The following SLC6A20 variants were observed in gnomAD, a reference collection of about 807,000 sequenced individuals.
The protein encoded by SLC6A20 is solute carrier family 6 member 20.
A neutral mutation model predicts 64.3 loss-of-function variants in SLC6A20; 73 were observed. The observed-to-expected ratio is 1.14, with a 90% CI of 0.94 to 1.38. The LOEUF is 1.38. SLC6A20 is among the 40% of genes most tolerant of loss of function. SLC6A20 has a pLI of 0.00. For missense variants in SLC6A20, 725 were observed against 772.8 expected, an observed-to-expected ratio of 0.94 and a Z score of 0.73; for synonymous variants, 347 against 329.6, an observed-to-expected ratio of 1.05 and a Z score of -0.57.
chr3:45,768,627 A>G (rs1197255562), intron 7 of SLC6A20, among the ~76,000 whole-genome samples: 1 of 152,210 alleles, frequency 6.6e-6, no homozygotes, highest in Non-Finnish European at 1.5e-5. Context: ...CTGAACAACC[A>G]GGAGAAAAAA....
chr3:45,770,152 A>T, intron 7 of SLC6A20, 57 bp downstream of exon 7: 1 of 1,600,752 alleles, frequency 6.2e-7, no homozygotes, highest in South Asian at 1.1e-5. Flanking sequence ...CAGCTCACCA[A>T]GGTTCCCATG....
In SLC6A20 at chr3:45,796,451, C is replaced by G; in HGVS notation, c.-32G>C. Reference sequence around the variant, plus strand: ...GGCCTCGGCGCGCTCGGCTCCGGCTCGGGGGTCCGGCACGGCAGTCTCAGT... The same window carrying G: ...GGCCTCGGCGCGCTCGGCTCCGGCTGGGGGGTCCGGCACGGCAGTCTCAGT... On this transcript the variant is annotated 5_prime_UTR_variant, in exon 1 of 11. Coordinates refer to ENST00000358525, the MANE Select transcript of SLC6A20 (RefSeq NM_020208.4). The G allele has an allele frequency of 1.9e-6, 3 of 1,599,150 alleles. No homozygotes were observed. Among genetic ancestry groups the G allele is most frequent in the Non-Finnish European group, 1.7e-6 (2 of 1,173,206 alleles).
chr3:45,792,964 A>G (rs952520509), intron 1 of SLC6A20, among the ~76,000 whole-genome samples: 2 of 152,172 alleles, frequency 1.3e-5, no homozygotes, highest in Non-Finnish European at 2.9e-5. Flanking sequence ...AGCTTTCTAG[A>G]AATGAAGAAT....
intron 9 of SLC6A20, among the ~76,000 whole-genome samples, chr3:45,761,339 T>C (rs965442329): frequency 2.0e-5 from 3 of 149,754 alleles, no homozygotes; most frequent in Non-Finnish European, 4.4e-5. Flanking sequence ...GCCGAAGCAC[T>C]CCCCTCCTGC....
intron 3 of SLC6A20, among the ~76,000 whole-genome samples, chr3:45,777,977 C>T (rs1426556046): frequency 2.6e-5 from 4 of 152,278 alleles, no homozygotes; most frequent in East Asian, 3.9e-4. Flanking sequence ...CCCCGCACCC[C>T]GCAACTTCAT....
Position 45,756,271 on chromosome 3 carries a change from A to AC in SLC6A20, c.*2706_*2707insG, listed in dbSNP as rs1699541244. ...CTGATCCCAGGTGGCCCTGAGTTGTAAGACGGTGACTGTGAGTGGGGATTG... is the reference window on the plus strand; with the variant it reads ...CTGATCCCAGGTGGCCCTGAGTTGTACAGACGGTGACTGTGAGTGGGGATTG... On this transcript the variant is annotated 3_prime_UTR_variant, in exon 11 of 11. Coordinates refer to ENST00000358525, the MANE Select transcript of SLC6A20 (RefSeq NM_020208.4). 6.6e-6 allele frequency: 1 copy of AC among 152,272 alleles called. No homozygotes were observed. The highest frequency in any genetic ancestry group is 1.5e-5 in the Non-Finnish European group (1 of 68,090). 9.4% of individuals were successfully genotyped at this position (152,272 alleles called of 1,614,324 possible). A position where few individuals can be genotyped will look rare whatever the true frequency, so the allele number is the denominator to read the frequency against.
chr3:45,777,200 A>G (rs1337611231), intron 3 of SLC6A20, among the ~76,000 whole-genome samples: 3 of 152,196 alleles, frequency 2.0e-5, no homozygotes, highest in African/African-American at 2.4e-5. Flanking sequence ...AGACAGAACC[A>G]AGGCCCGGGG....
intron 3 of SLC6A20, among the ~76,000 whole-genome samples, chr3:45,776,652 G>A (rs73062374): frequency 0.096 from 14,651 of 152,188 alleles, 831 homozygotes; most frequent in Non-Finnish European, 0.14. Context: ...CAAACCCAAT[G>A]TACATTGCAG....
At position 45,796,496 on chromosome 3, in the gene SLC6A20, C is replaced by A. The variant is rs1436018908; in HGVS notation, c.-77G>T. ...CTCAGTGCGCGGTCGCCAGGCGCGC[C>A]GTCCCACCCCGGCTCGGCTTGGGGG... On this transcript the variant is annotated 5_prime_UTR_variant, in exon 1 of 11. Transcript: ENST00000358525. 1.4e-6 allele frequency: 2 copies of A among 1,446,532 alleles called. No individual in the cohort carries two copies. Among genetic ancestry groups the A allele is most frequent in the African/African-American group, 1.5e-5 (1 of 68,138 alleles). 89.6% of individuals were successfully genotyped at this position (1,446,532 alleles called of 1,614,324 possible). A position where few individuals can be genotyped will look rare whatever the true frequency, so the allele number is the denominator to read the frequency against.
At chr3:45,794,755 A>G (rs1191403746) in intron 1 of SLC6A20, among the ~76,000 whole-genome samples, 2 of 152,220 alleles carry the variant, frequency 1.3e-5, no homozygotes, top group African/African-American at 2.4e-5. Flanking sequence ...TAAAGGTATC[A>G]TGGGTAGGTC....
At chr3:45,777,569 TA>T (rs1699991711) in intron 3 of SLC6A20, among the ~76,000 whole-genome samples, 1 of 152,234 alleles carries the variant, frequency 6.6e-6, no homozygotes, top group Admixed American at 6.5e-5. Context: ...CAGAACCCTG[TA>T]GCTAGCCTCT....
At position 45,796,443 on chromosome 3, in the gene SLC6A20, C is replaced by CTCCGGCTCGGGGG. The variant is rs1559575605; in HGVS notation, c.-37_-25dup. 1.9e-6 allele frequency: 3 copies of CTCCGGCTCGGGGG among 1,603,978 alleles called. No homozygotes were observed. The highest frequency in any genetic ancestry group is 2.6e-6 in the Non-Finnish European group (3 of 1,175,552). On this transcript the variant is annotated 5_prime_UTR_variant, in exon 1 of 11. Coordinates refer to ENST00000358525, the MANE Select transcript of SLC6A20 (RefSeq NM_020208.4). ...ATGGCCCCGGCCTCGGCGCGCTCGGCTCCGGCTCGGGGGTCCGGCACGGCA... is the reference window on the plus strand; with the variant it reads ...ATGGCCCCGGCCTCGGCGCGCTCGGCTCCGGCTCGGGGGTCCGGCTCGGGGGTCCGGCACGGCA...
At chr3:45,790,122 C>G (rs920883606) in intron 1 of SLC6A20, among the ~76,000 whole-genome samples, 2 of 152,106 alleles carry the variant, frequency 1.3e-5, no homozygotes, top group African/African-American at 4.8e-5. Flanking sequence ...CAGAGATGCC[C>G]GCCCGAGTCA....
chr3:45,766,751 G>A (rs1421292937), intron 7 of SLC6A20, among the ~76,000 whole-genome samples: 2 of 152,360 alleles, frequency 1.3e-5, no homozygotes, highest in East Asian at 1.9e-4. Flanking sequence ...TGAGAAGATA[G>A]GTGTTCACGA....
At chr3:45,776,675 G>A (rs1385426406) in intron 3 of SLC6A20, among the ~76,000 whole-genome samples, 1 of 152,112 alleles carries the variant, frequency 6.6e-6, no homozygotes, top group African/African-American at 2.4e-5. Context: ...AATGCCATTC[G>A]CCACCAGCAC....
chr3:45,782,931 G>A (rs1185333874), intron 1 of SLC6A20, among the ~76,000 whole-genome samples: 2 of 152,174 alleles, frequency 1.3e-5, no homozygotes, highest in African/African-American at 4.8e-5. Flanking sequence ...TTCTATTTCA[G>A]CAACTAATAG....
intron 7 of SLC6A20, among the ~76,000 whole-genome samples, chr3:45,767,509 A>C (rs1165008038): frequency 1.3e-5 from 2 of 152,218 alleles, no homozygotes; most frequent in Non-Finnish European, 2.9e-5. Flanking sequence ...AATAAAATAA[A>C]AAAGGATAAA....
intron 3 of SLC6A20, among the ~76,000 whole-genome samples, 199 bp downstream of exon 3, chr3:45,779,810 A>G (rs1700038658): frequency 6.6e-6 from 1 of 152,226 alleles, no homozygotes; most frequent in Non-Finnish European, 1.5e-5. Context: ...TTACAGCGTA[A>G]GGGGCCCGTG....
At chr3:45,761,222 A>C (rs1699674721) in intron 9 of SLC6A20, among the ~76,000 whole-genome samples, 1 of 136,468 alleles carries the variant, frequency 7.3e-6, no homozygotes, top group East Asian at 2.0e-4. Context: ...ACACCCCCAT[A>C]ACCCCCCCCC....
Sources: gnomAD v4.1 joint callset for allele counts (sites outside exome capture counted in the v4.1 genomes callset) on GRCh38, gnomAD v4.1.1 for gene constraint, MANE v1.5 for transcripts, NCBI Gene and HGNC (gene_info 2026-07-23, HGNC 2026-07-21) for gene names.